CNTN5: variants seen among roughly 807,000 people sequenced by gnomAD.
CNTN5 encodes the protein contactin 5.
A neutral mutation model predicts 129.1 loss-of-function variants in CNTN5; 77 were observed. The ratio of observed to expected loss-of-function variants is 0.60; its 90% CI spans 0.50 to 0.72. The LOEUF is 0.72. Among genes scored for constraint, CNTN5 ranks in the 30% least tolerant of loss-of-function variants. The pLI, the probability that CNTN5 is intolerant of heterozygous loss-of-function variation, is 0.00. For synonymous variants in CNTN5, 509 were observed against 465.6 expected (o/e 1.09, Z -1.20); for missense variants, 1,478 against 1,328.8 (o/e 1.11, Z -1.75).
chr11:99,040,309 T>C (rs1240824549), intron 1 of CNTN5, among the ~76,000 whole-genome samples: 2 of 152,126 alleles, frequency 1.3e-5, no homozygotes, highest in Non-Finnish European at 2.9e-5. Context: ...CCATGAAAAC[T>C]CTCAAAAACT....
intron 9 of CNTN5, among the ~76,000 whole-genome samples, chr11:100,035,717 G>A (rs1941955638): frequency 6.8e-6 from 1 of 147,726 alleles, no homozygotes. Context: ...TTCTCTGATG[G>A]CCAGTGATGA....
At chr11:99,123,297 A>G (rs1858450467) in intron 1 of CNTN5, among the ~76,000 whole-genome samples, 1 of 151,904 alleles carries the variant, frequency 6.6e-6, no homozygotes, top group Admixed American at 6.6e-5. Context: ...TCTGATGACT[A>G]GTGATGTTGA....
intron 6 of CNTN5, among the ~76,000 whole-genome samples, chr11:99,900,916 G>A (rs1405246348): frequency 6.6e-6 from 1 of 151,870 alleles, no homozygotes; most frequent in Non-Finnish European, 1.5e-5. Context: ...AGCTTTATAT[G>A]TTACTATATC....
At chr11:100,236,502 G>GA (rs1305327178) in intron 16 of CNTN5, among the ~76,000 whole-genome samples, 4 of 152,270 alleles carry the variant, frequency 2.6e-5, no homozygotes, top group Admixed American at 6.5e-5. Flanking sequence ...TTCTTTTCCT[G>GA]AGTGACTTTG....
intron 3 of CNTN5, among the ~76,000 whole-genome samples, chr11:99,680,523 G>A (rs1328276199): frequency 6.6e-6 from 1 of 151,816 alleles, no homozygotes; most frequent in East Asian, 1.9e-4. Context: ...GCCCACTGTC[G>A]AGATTTAATG....
chr11:100,096,742 T>C (rs1050129887), intron 13 of CNTN5, among the ~76,000 whole-genome samples: 2 of 152,130 alleles, frequency 1.3e-5, no homozygotes, highest in African/African-American at 4.8e-5. Context: ...TGTCACTTTC[T>C]ACCAGCATAT....
At chr11:100,207,943 T>C (rs368412870) in intron 15 of CNTN5, among the ~76,000 whole-genome samples, 44 of 152,338 alleles carry the variant, frequency 2.9e-4, no homozygotes, top group African/African-American at 9.6e-4. Flanking sequence ...TTGCTAACTT[T>C]TTTTGGGTTT....
rs762853842 is a variant in CNTN5 at position 100,299,391 on chromosome 11, A to C, written c.2615A>C (p.Glu872Ala). 2 of 1,577,048 alleles carry C rather than the reference A, an allele frequency of 1.3e-6. No homozygotes were observed. The highest frequency in any genetic ancestry group is 1.7e-6 in the Non-Finnish European group (2 of 1,162,658). ...CAAATTGTGGTCATCTGTTCAGCTG[A>C]AGGAGGTCAGTTTTTTTATTCCTAT... ...FSQIVVICSAEGEPSAAPTDV... is the reference protein window; with the variant it reads ...FSQIVVICSAAGEPSAAPTDV... Residue 872 changes from glutamate to alanine, a missense_variant, in exon 20 of 25, where the codon GAA becomes GCA. Physicochemically the swap from Glu to Ala is moderately radical, Grantham distance 107 (BLOSUM62 -1). Transcript: ENST00000524871.
intron 3 of CNTN5, among the ~76,000 whole-genome samples, chr11:99,809,417 C>T (rs543114639): frequency 1.2e-4 from 18 of 151,896 alleles, no homozygotes; most frequent in Admixed American, 2.0e-4. Flanking sequence ...TAAAAATTTC[C>T]ATAGTTACCT....
At chr11:99,064,539 A>G (rs908070606) in intron 1 of CNTN5, among the ~76,000 whole-genome samples, 4 of 152,126 alleles carry the variant, frequency 2.6e-5, no homozygotes, top group African/African-American at 4.8e-5. Context: ...AGACTTTTTT[A>G]TATTTAAAGA....
At chr11:99,833,856 A>G (rs924015776) in intron 4 of CNTN5, among the ~76,000 whole-genome samples, 1 of 152,100 alleles carries the variant, frequency 6.6e-6, no homozygotes, top group African/African-American at 2.4e-5. Flanking sequence ...AGTGATTCCC[A>G]GTTGCTGTGT....
intron 1 of CNTN5, among the ~76,000 whole-genome samples, chr11:99,184,918 G>C (rs958688690): frequency 6.6e-6 from 1 of 151,886 alleles, no homozygotes; most frequent in African/African-American, 2.4e-5. Context: ...AATTCTTCTT[G>C]ATCGTGTATA....
intron 2 of CNTN5, among the ~76,000 whole-genome samples, chr11:99,423,335 G>A (rs1591030052): frequency 6.6e-6 from 1 of 152,130 alleles, no homozygotes. Context: ...TTCCACCCTC[G>A]AGCAGAAACT....
At chr11:100,338,602 G>C (rs979269771) in intron 21 of CNTN5, among the ~76,000 whole-genome samples, 3 of 152,196 alleles carry the variant, frequency 2.0e-5, no homozygotes, top group African/African-American at 7.2e-5. Context: ...CATCAGACTT[G>C]TGACAGGAGT....
intron 3 of CNTN5, among the ~76,000 whole-genome samples, chr11:99,769,032 C>T (rs552253276): frequency 6.6e-6 from 1 of 151,266 alleles, no homozygotes; most frequent in East Asian, 1.9e-4. Flanking sequence ...TTTCTCTTTT[C>T]TATCTTTTCA....
At chr11:100,039,641 C>CA (rs555289750) in intron 9 of CNTN5, among the ~76,000 whole-genome samples, 169 of 152,258 alleles carry the variant, frequency 1.1e-3, no homozygotes, top group African/African-American at 4.0e-3. Flanking sequence ...CACATAGTCC[C>CA]ATATTTCTTG....
In CNTN5 at chr11:100,033,089, T is replaced by G. The variant is rs1941806601; in HGVS notation, c.981-28123T>G. ...GTGGTATTTCTGTAAGAAAGACTCT[T>G]TTTCTATGTAATTTTTAATTTAACA... is the stretch of plus-strand genomic sequence containing the variant. On this transcript the variant is annotated intron_variant, in intron 9 of 24. Coordinates refer to ENST00000524871, the MANE Select transcript of CNTN5 (RefSeq NM_014361.4). Among the ~76,000 whole-genome samples, 3 of 152,174 alleles carry G rather than the reference T, an allele frequency of 2.0e-5. No individual in the cohort carries two copies. The South Asian group carries it at 6.2e-4, about 31-fold the overall frequency.
At chr11:100,220,355 G>A (rs922522352) in intron 15 of CNTN5, among the ~76,000 whole-genome samples, 11 of 151,472 alleles carry the variant, frequency 7.3e-5, no homozygotes, top group Admixed American at 4.6e-4. Flanking sequence ...AAGTTTTTAC[G>A]TCAGTAACAT....
rs1947967131 is a variant in CNTN5 at position 99,854,349 on chromosome 11, CG to C, written c.577+9090del. ...GCATGGAAGTTTGTAATTTGCCCTA[CG>C]GGTATACAGAGGACACCAAAGAATA... On this transcript the variant is annotated intron_variant, in intron 6 of 24. Transcript: ENST00000524871. Among the ~76,000 whole-genome samples the C allele has an allele frequency of 2.6e-5, 4 of 152,218 alleles. No homozygotes were observed. The East Asian group carries it at 7.7e-4, about 29-fold the overall frequency.
Sources: allele counts gnomAD v4.1 joint callset (sites outside exome capture counted in the v4.1 genomes callset), GRCh38; gene constraint gnomAD v4.1.1; transcripts MANE v1.5; gene names NCBI Gene and HGNC (gene_info 2026-07-23, HGNC 2026-07-21).